Variants in FLT1 observed in about 807,000 individuals in gnomAD.
FLT1 encodes the protein vascular endothelial growth factor receptor 1.
A neutral mutation model predicts 156.3 loss-of-function variants in FLT1; 49 were observed. The observed-to-expected ratio is 0.31, with a 90% CI of 0.25 to 0.40. The LOEUF is 0.40. Ranked by LOEUF, FLT1 falls within the 10% of genes least tolerant of loss-of-function variation. FLT1 has a pLI of 1.00. For synonymous variants in FLT1, 594 were observed against 583.8 expected, an observed-to-expected ratio of 1.02 and a Z score of -0.25; for missense variants, 1,322 against 1,637.2, an observed-to-expected ratio of 0.81 and a Z score of 3.32.
chr13:28,488,884 C>A (rs955508159), intron 1 of FLT1, among the ~76,000 whole-genome samples: 1 of 152,206 alleles, frequency 6.6e-6, no homozygotes, highest in Non-Finnish European at 1.5e-5. Context: ...CAGCCCAGCA[C>A]CCAAGGACTT....
intron 15 of FLT1, among the ~76,000 whole-genome samples, chr13:28,356,281 T>C (rs1330140782): frequency 6.6e-6 from 1 of 152,180 alleles, no homozygotes; most frequent in Non-Finnish European, 1.5e-5. Flanking sequence ...CCTTGCTCTC[T>C]GTGTTCCCTG....
rs117878290 is a variant in FLT1 at position 28,366,686 on chromosome 13, G to T, written c.2117-9001C>A. On this transcript the variant is annotated intron_variant, in intron 14 of 29. Transcript: ENST00000282397. ...GGGTTTCAACATGTTGGCCATGCAG[G>T]TCTTGAACTCCTGACCTCAGGTAAT... Among the ~76,000 whole-genome samples the T allele has an allele frequency of 4.7e-3, 709 of 152,040 alleles. 13 individuals carry two copies. The highest frequency in any genetic ancestry group is 0.033 in the Admixed American group (505 of 15,270).
chr13:28,317,218 A>C (rs1401914840), intron 25 of FLT1, among the ~76,000 whole-genome samples: 1 of 152,170 alleles, frequency 6.6e-6, no homozygotes, highest in Non-Finnish European at 1.5e-5. Context: ...CTAGAAACTG[A>C]ATTTCTAACT....
chr13:28,335,947 T>G (rs1338298109), intron 17 of FLT1, among the ~76,000 whole-genome samples: 2 of 152,234 alleles, frequency 1.3e-5, no homozygotes, highest in Non-Finnish European at 2.9e-5. Flanking sequence ...TAGTAAAAAC[T>G]GGTGCATTTT....
chr13:28,329,571 C>A, intron 19 of FLT1, 44 bp downstream of exon 19: 1 of 1,359,746 alleles, frequency 7.4e-7, no homozygotes, highest in South Asian at 1.2e-5. Flanking sequence ...GTTCTCCCAG[C>A]CTGTGCAGGG....
At position 28,416,685 on chromosome 13, in the gene FLT1, A is replaced by C. The variant is rs1405750152; in HGVS notation, c.1436+10474T>G. Among the ~76,000 whole-genome samples the C allele has an allele frequency of 2.0e-5, 3 of 152,192 alleles. No individual in the cohort carries two copies. In the South Asian group the frequency reaches 6.2e-4, roughly 32 times the overall value. On this transcript the variant is annotated intron_variant, in intron 10 of 29. Coordinates refer to ENST00000282397, the MANE Select transcript of FLT1 (RefSeq NM_002019.4). Reference sequence around the variant, plus strand: ...GCTTAATAACTTAGCTATAAAGAAAATAAAAATAGGAACCCCAGGCTATAC... The same window carrying C: ...GCTTAATAACTTAGCTATAAAGAAACTAAAAATAGGAACCCCAGGCTATAC...
At chr13:28,333,992 G>T in intron 18 of FLT1, 33 bp downstream of exon 18, 2 of 1,274,144 alleles carry the variant, frequency 1.6e-6, no homozygotes, top group Non-Finnish European at 2.3e-6. Flanking sequence ...AATGGTGATG[G>T]GTCAGTTGAA....
At chr13:28,327,216 C>T (rs1409020510) in intron 20 of FLT1, among the ~76,000 whole-genome samples, 4 of 152,206 alleles carry the variant, frequency 2.6e-5, no homozygotes, top group African/African-American at 7.2e-5. Flanking sequence ...AGATAAGTGG[C>T]TAGTAGATTT....
chr13:28,331,133 A>G (rs757462405), intron 18 of FLT1, among the ~76,000 whole-genome samples: 1 of 152,242 alleles, frequency 6.6e-6, no homozygotes, highest in African/African-American at 2.4e-5. Flanking sequence ...CTGTGCACAC[A>G]TGCAAGTGTT....
At chr13:28,485,086 G>A (rs1304615476) in intron 1 of FLT1, among the ~76,000 whole-genome samples, 1 of 151,908 alleles carries the variant, frequency 6.6e-6, no homozygotes, top group Non-Finnish European at 1.5e-5. Flanking sequence ...TATAAAAAAA[G>A]AAATATTTGT....
chr13:28,386,444 T>G (rs1313466088), intron 13 of FLT1: 1 of 1,043,432 alleles, frequency 9.6e-7, no homozygotes, highest in African/African-American at 1.7e-5. Flanking sequence ...TCTCATTTTA[T>G]AAAAAATGAA....
chr13:28,343,612 C>T (rs547146195), intron 16 of FLT1, among the ~76,000 whole-genome samples: 1 of 151,612 alleles, frequency 6.6e-6, no homozygotes, highest in East Asian at 1.9e-4. Flanking sequence ...CGCGGCCTGC[C>T]ACCAAAATTT....
In FLT1 at chr13:28,427,179, G is replaced by A. The variant is rs761499982; in HGVS notation, c.1416C>T (p.Asn472=). 12 of 1,613,900 alleles carry A rather than the reference G, an allele frequency of 7.4e-6. No individual in the cohort carries two copies. In the East Asian group the frequency reaches 2.4e-4, roughly 33 times the overall value. ...PTIKWFWHPC[N]HNHSEARCDF... Reference sequence around the variant, plus strand: ...CCTACCTTGCTTCGGAATGATTATGGTTACAGGGGTGCCAGAACCACTTGA... The same window carrying A: ...CCTACCTTGCTTCGGAATGATTATGATTACAGGGGTGCCAGAACCACTTGA... Residue 472 remains asparagine, a synonymous_variant, in exon 10 of 30, where the codon AAC becomes AAT. Coordinates refer to ENST00000282397, the MANE Select transcript of FLT1 (RefSeq NM_002019.4).
At chr13:28,333,514 G>T (rs145218828) in intron 18 of FLT1, among the ~76,000 whole-genome samples, 1 of 152,272 alleles carries the variant, frequency 6.6e-6, no homozygotes, top group East Asian at 1.9e-4. Context: ...AGATAATTCA[G>T]GTTTTTAAAC....
In FLT1 at chr13:28,319,433, G is replaced by T. The variant is rs1268503839; in HGVS notation, c.3276C>A (p.Ile1092=). 5.0e-6 allele frequency: 8 copies of T among 1,609,278 alleles called. No individual in the cohort carries two copies. Among genetic ancestry groups the T allele is most frequent in the Middle Eastern group, 1.7e-4 (1 of 6,038 alleles). The change falls in exon 24 of 30, where the codon ATC becomes ATA. Residue 1092 remains isoleucine, a synonymous_variant. Transcript: ENST00000282397. ...TTCTCCCAAATTTACCTAAGGAGAA[G>T]ATTTCCCACAGCAATACTCCGTAAG... is the stretch of plus-strand genomic sequence containing the variant. ...VWSYGVLLWE[I]FSLGGSPYPG...
intron 16 of FLT1, among the ~76,000 whole-genome samples, chr13:28,343,800 GC>G (rs1228851872): frequency 6.6e-6 from 1 of 151,450 alleles, no homozygotes; most frequent in East Asian, 1.9e-4. Flanking sequence ...CCTCCACCAC[GC>G]CCGGCTAATT....
intron 20 of FLT1, 84 bp from the exon 21 acceptor site, chr13:28,323,030 G>T: frequency 7.1e-7 from 1 of 1,404,346 alleles, no homozygotes; most frequent in South Asian, 1.2e-5. Flanking sequence ...GCAATCGCCT[G>T]ATGAGAAATG....
intron 1 of FLT1, among the ~76,000 whole-genome samples, chr13:28,489,958 C>A (rs1490222780): frequency 1.3e-5 from 2 of 152,156 alleles, no homozygotes; most frequent in African/African-American, 2.4e-5. Context: ...AAAAAGATGT[C>A]ATTTCGAAAG....
At chr13:28,397,375 T>TCGC (rs949597132) in intron 11 of FLT1, among the ~76,000 whole-genome samples, 1 of 152,130 alleles carries the variant, frequency 6.6e-6, no homozygotes, top group Non-Finnish European at 1.5e-5. Flanking sequence ...GGACTGCACG[T>TCGC]CCTACCCTAT....
Sources: gnomAD v4.1 joint callset for allele counts (sites outside exome capture counted in the v4.1 genomes callset) on GRCh38, gnomAD v4.1.1 for gene constraint, MANE v1.5 for transcripts, NCBI Gene and HGNC (gene_info 2026-07-23, HGNC 2026-07-21) for gene names.